The following LAMA1 variants were observed in gnomAD, a reference collection of about 807,000 sequenced individuals.
LAMA1 encodes laminin subunit alpha-1.
LAMA1 carries 219 observed loss-of-function variants against 348.7 expected under a neutral mutation model. The ratio of observed to expected loss-of-function variants is 0.63; its 90% CI spans 0.56 to 0.70. The LOEUF (loss-of-function observed/expected upper bound fraction) is 0.70, where lower values mean the gene tolerates loss of function less well. Among genes scored for constraint, LAMA1 ranks in the 30% least tolerant of loss-of-function variants. The pLI, the probability that LAMA1 is intolerant of heterozygous loss-of-function variation, is 0.00. For missense variants in LAMA1, 3,744 were observed against 3,888.0 expected, an observed-to-expected ratio of 0.96 and a Z score of 0.99; for synonymous variants, 1,487 against 1,491.0, an observed-to-expected ratio of 1.00 and a Z score of 0.06.
intron 57 of LAMA1, among the ~76,000 whole-genome samples, chr18:6,952,214 C>A (rs1051378125): frequency 3.3e-5 from 5 of 152,280 alleles, no homozygotes; most frequent in South Asian, 2.1e-4. Flanking sequence ...CGAGAGAGAG[C>A]AGGGAACTAG....
rs764332410 is a variant in LAMA1 at position 6,950,945 on chromosome 18, G to A, written c.8234C>T (p.Thr2745Met). The change falls in exon 58 of 63, where the codon ACG becomes ATG. Residue 2745 changes from threonine to methionine, a missense_variant. Physicochemically the swap from Thr to Met is moderately conservative, Grantham distance 81 (BLOSUM62 -1). This residue lies in a region of LAMA1 where 1,983 missense variants were observed against 1,934.3 expected (regional missense o/e 1.03). Transcript: ENST00000389658. ...GTAAATCAGGCCGCTGGAGGCGAAC[G>A]TGCGGATGCTTAGCTCAACCGAGAG... Reference protein sequence around the residue: ...KKLSVELSIRTFASSGLIYYM... With the variant: ...KKLSVELSIRMFASSGLIYYM... 9.3e-6 allele frequency: 15 copies of A among 1,614,026 alleles called. No homozygotes were observed. The South Asian group carries it at 9.9e-5, about 11-fold the overall frequency.
chr18:7,099,491 C>CAA lies in LAMA1; in HGVS notation c.61+18167_61+18168dup, dbSNP rs71165722. Among the ~76,000 whole-genome samples the CAA allele has an allele frequency of 8.3e-4, 120 of 144,232 alleles. No individual in the cohort carries two copies. The East Asian group carries it at 0.011, about 13-fold the overall frequency. The allele number at this position is 144,232 out of a possible 152,430, so 94.6% of individuals were successfully genotyped here. A position where few individuals can be genotyped will look rare whatever the true frequency, so the allele number is the denominator to read the frequency against. Reference sequence around the variant, plus strand: ...AAAAATAAATAAATTTAAAAAAAAACAAAAAAAAAAATGAACTTACACCCT... The same window carrying CAA: ...AAAAATAAATAAATTTAAAAAAAAACAAAAAAAAAAAAATGAACTTACACCCT... On this transcript the variant is annotated intron_variant, in intron 1 of 62. Coordinates refer to ENST00000389658, the MANE Select transcript of LAMA1 (RefSeq NM_005559.4).
chr18:7,064,551 G>A (rs1331547977), intron 3 of LAMA1, among the ~76,000 whole-genome samples: 1 of 152,184 alleles, frequency 6.6e-6, no homozygotes, highest in Non-Finnish European at 1.5e-5. Flanking sequence ...CCAAACTCAG[G>A]ACTTTACAGT....
intron 23 of LAMA1, among the ~76,000 whole-genome samples, chr18:7,012,537 GCT>G (rs1465142981): frequency 4.0e-5 from 6 of 148,976 alleles, no homozygotes; most frequent in African/African-American, 1.5e-4. Context: ...ACAGAGTCTC[GCT>G]CTGTCACCCA....
Position 6,962,072 on chromosome 18 carries a change from G to C in LAMA1, c.7338-13C>G, listed in dbSNP as rs775752002. 3.2e-6 allele frequency: 5 copies of C among 1,583,690 alleles called. No individual in the cohort carries two copies. The South Asian group carries it at 5.5e-5, about 18-fold the overall frequency. ...GGTGACACCTCTCCTGTAGGGAAGG[G>C]CATGAGAACAATCACAAAATTTGGG... On this transcript the variant is annotated splice_polypyrimidine_tract_variant and intron_variant, in intron 51 of 62. Coordinates refer to ENST00000389658, the MANE Select transcript of LAMA1 (RefSeq NM_005559.4).
rs2057531814 is a variant in LAMA1, at chr18:6,948,439, C to G, written c.8674G>C (p.Gly2892Arg). ...TATCCGCTTCCGTCAAAGTATGTTC[C>G]TTCCTGGGCCACTGCGTAGCACCTG... ...VNRCYAVAQE[G>R]TYFDGSGYAA... Residue 2892 changes from glycine to arginine, a missense_variant, in exon 60 of 63, where the codon GGA becomes CGA. This residue lies in a region of LAMA1 where 232 missense variants were observed against 264.4 expected (regional missense o/e 0.88). Transcript: ENST00000389658. 6.2e-7 allele frequency: 1 copy of G among 1,614,062 alleles called. No homozygotes were observed. Among genetic ancestry groups the G allele is most frequent in the Admixed American group, 1.7e-5 (1 of 60,008 alleles).
At chr18:6,983,257 T>C in intron 39 of LAMA1, 23 bp from the exon 40 acceptor site, 1 of 1,614,066 alleles carries the variant, frequency 6.2e-7, no homozygotes, top group Non-Finnish European at 8.5e-7. Context: ...CATATTTAGA[T>C]ACGTTATGAT....
intron 30 of LAMA1, among the ~76,000 whole-genome samples, chr18:7,000,701 G>A (rs577349760): frequency 1.3e-5 from 2 of 152,234 alleles, no homozygotes; most frequent in South Asian, 4.2e-4. Context: ...GCTGAGCTGG[G>A]TGCATGCAAA....
At position 7,007,202 on chromosome 18, in the gene LAMA1, A is replaced by G; in HGVS notation, c.4197T>C (p.Pro1399=). The G allele has an allele frequency of 6.2e-7, 1 of 1,614,180 alleles. No homozygotes were observed. Among genetic ancestry groups the G allele is most frequent in the Non-Finnish European group, 8.5e-7 (1 of 1,180,026 alleles). The change falls in exon 29 of 63, where the codon CCT becomes CCC. Residue 1399 remains proline, a synonymous_variant. Coordinates refer to ENST00000389658, the MANE Select transcript of LAMA1 (RefSeq NM_005559.4). ...SDRGPRPLVA[P]CVPCSCNNHS... is the part of the protein sequence containing the mutation. Reference sequence around the variant, plus strand: ...GGTTGTTGCAACTGCAGGGAACACAAGGAGCAACCAGAGGGCGTGGTCCCC... The same window carrying G: ...GGTTGTTGCAACTGCAGGGAACACAGGGAGCAACCAGAGGGCGTGGTCCCC...
chr18:7,075,561 T>C (rs2058164095), intron 3 of LAMA1, among the ~76,000 whole-genome samples: 1 of 151,586 alleles, frequency 6.6e-6, no homozygotes, highest in Non-Finnish European at 1.5e-5. Context: ...AGGCGGAGGT[T>C]GCAGTGAGCC....
chr18:7,021,706 C>A (rs1252887749), intron 19 of LAMA1, among the ~76,000 whole-genome samples: 1 of 150,174 alleles, frequency 6.7e-6, no homozygotes. Flanking sequence ...CTTCTTTTTA[C>A]TATTGAAAAA....
Position 7,025,880 on chromosome 18 carries a change from C to T in LAMA1, c.2402+99G>A, listed in dbSNP as rs571858760. 7.1e-5 allele frequency: 106 copies of T among 1,488,470 alleles called. No individual in the cohort carries two copies. The East Asian group carries it at 1.0e-3, about 14-fold the overall frequency. 92.2% of individuals were successfully genotyped at this position (1,488,470 alleles called of 1,614,324 possible). On this transcript the variant is annotated intron_variant, in intron 17 of 62. Coordinates refer to ENST00000389658, the MANE Select transcript of LAMA1 (RefSeq NM_005559.4). Reference sequence around the variant, plus strand: ...ATTGTCACTGGGCAAAATTCACACACGTATTACACACACAGTCTTGCTCTG... The same window carrying T: ...ATTGTCACTGGGCAAAATTCACACATGTATTACACACACAGTCTTGCTCTG...
At chr18:7,040,281 G>C (rs778902748) in intron 9 of LAMA1, 45 bp from the exon 10 acceptor site, 4 of 1,606,158 alleles carry the variant, frequency 2.5e-6, no homozygotes, top group East Asian at 2.2e-5. Context: ...AGGCAAAAGA[G>C]GTTTAAAGCA....
chr18:7,049,165 G>A lies in LAMA1; in HGVS notation c.681C>T (p.Arg227=). The A allele has an allele frequency of 6.2e-7, 1 of 1,614,170 alleles. No homozygotes were observed. Reference sequence around the variant, plus strand: ...CATTGAGCGTTCTAATGCGTTGCAAGCGAAGGCGAATATATCGTGCAGAAG... The same window carrying A: ...CATTGAGCGTTCTAATGCGTTGCAAACGAAGGCGAATATATCGTGCAGAAG... ...EFTSARYIRL[R]LQRIRTLNAD... is the part of the protein sequence containing the mutation. Residue 227 remains arginine (R), a synonymous_variant, in exon 5 of 63, where the codon CGC becomes CGT. Transcript: ENST00000389658.
chr18:6,991,073 T>C (rs2057756290), intron 36 of LAMA1, among the ~76,000 whole-genome samples: 1 of 152,072 alleles, frequency 6.6e-6, no homozygotes, highest in Non-Finnish European at 1.5e-5. Context: ...CCTCCTCTCA[T>C]TCCCCCTGCG....
Position 7,024,253 on chromosome 18 carries a change from A to G in LAMA1, c.2489+127T>C, listed in dbSNP as rs536787966. On this transcript the variant is annotated intron_variant, in intron 18 of 62. Transcript: ENST00000389658. ...AAACATGAAATACTGATTTTTCTCA[A>G]TGATTCTATGAAATAACAATTATGC... The G allele has an allele frequency of 1.0e-4, 73 of 699,588 alleles. No homozygotes were observed. In the East Asian group the frequency reaches 1.1e-3, roughly 11 times the overall value. The allele number at this position is 699,588 out of a possible 1,614,324, so 43.3% of individuals were successfully genotyped here. A position where few individuals can be genotyped will look rare whatever the true frequency, so the allele number is the denominator to read the frequency against.
rs980053795 is a variant in LAMA1, at chr18:7,010,471, A to G, written c.3688-86T>C. The G allele has an allele frequency of 1.7e-5, 21 of 1,262,114 alleles. No homozygotes were observed. The African/African-American group carries it at 2.8e-4, about 17-fold the overall frequency. 78.2% of individuals were successfully genotyped at this position (1,262,114 alleles called of 1,614,324 possible). On this transcript the variant is annotated intron_variant, in intron 25 of 62. Coordinates refer to ENST00000389658, the MANE Select transcript of LAMA1 (RefSeq NM_005559.4). ...TTGCAAGACTGCCACCATAAGAGAGAAATCTTGTATCTTAAAAATACATCA... is the reference window on the plus strand; with the variant it reads ...TTGCAAGACTGCCACCATAAGAGAGGAATCTTGTATCTTAAAAATACATCA...
In LAMA1 at chr18:7,093,815, C is replaced by T. The variant is rs559415648; in HGVS notation, c.62-13358G>A. ...TTTTTCAGACAATCTCTCTCTGTTG[C>T]CCAGGCTGGAGTGCAGTGTCACGAT... On this transcript the variant is annotated intron_variant, in intron 1 of 62. Coordinates refer to ENST00000389658, the MANE Select transcript of LAMA1 (RefSeq NM_005559.4). 4.9e-3 allele frequency among the ~76,000 whole-genome samples: 734 copies of T among 149,280 alleles called. 7 individuals carry two copies. The highest frequency in any genetic ancestry group is 7.4e-3 in the Non-Finnish European group (497 of 67,536).
intron 57 of LAMA1, among the ~76,000 whole-genome samples, chr18:6,952,205 G>T (rs1023595899): frequency 6.6e-6 from 1 of 152,204 alleles, no homozygotes; most frequent in Non-Finnish European, 1.5e-5. Context: ...AAGGCGGGCC[G>T]AGAGAGAGCA....
Sources: gnomAD v4.1 joint callset for allele counts (sites outside exome capture counted in the v4.1 genomes callset) on GRCh38, gnomAD v4.1.1 for gene constraint, gnomAD v4.1.1 regional missense constraint, MANE v1.5 for transcripts, NCBI Gene and HGNC (gene_info 2026-07-23, HGNC 2026-07-21) for gene names.